ETV6: variants seen among roughly 807,000 people sequenced by gnomAD.
ETV6 encodes transcription factor ETV6.
ETV6 carries 16 observed loss-of-function variants against 51.1 expected under a neutral mutation model. That is an observed-to-expected ratio of 0.31 (90% CI 0.21 to 0.48). ETV6 has a LOEUF of 0.48. Ranked by LOEUF, ETV6 falls within the 20% of genes least tolerant of loss-of-function variation. ETV6 has a pLI of 0.99. For synonymous variants in ETV6, 240 were observed against 224.1 expected (o/e 1.07, Z -0.64); for missense variants, 458 against 594.8 (o/e 0.77, Z 2.39).
chr12:11,652,579 G>A (rs116152216), intron 1 of ETV6, among the ~76,000 whole-genome samples: 1,751 of 152,294 alleles, frequency 0.011, 40 homozygotes, highest in African/African-American at 0.039. Flanking sequence ...GGCTCTCACT[G>A]TGGAGAGGTT....
At chr12:11,784,862 ATTT>A (rs34004409) in intron 2 of ETV6, among the ~76,000 whole-genome samples, 69 of 85,754 alleles carry the variant, frequency 8.0e-4, no homozygotes, top group African/African-American at 3.2e-3. Flanking sequence ...TGCCTTGCTA[ATTT>A]TTTTTTTTTT....
intron 1 of ETV6, among the ~76,000 whole-genome samples, chr12:11,750,590 C>T (rs1045857294): frequency 3.3e-5 from 5 of 152,064 alleles, no homozygotes. Flanking sequence ...CTGCAAAAAC[C>T]CTAACAAAAC....
At chr12:11,805,789 T>C (rs1479055896) in intron 2 of ETV6, among the ~76,000 whole-genome samples, 1 of 152,176 alleles carries the variant, frequency 6.6e-6, no homozygotes, top group African/African-American at 2.4e-5. Flanking sequence ...ACGTTAAGGA[T>C]TTTGATCTTT....
chr12:11,846,957 C>T (rs1180387377), intron 3 of ETV6, among the ~76,000 whole-genome samples: 3 of 152,178 alleles, frequency 2.0e-5, no homozygotes, highest in African/African-American at 7.2e-5. Flanking sequence ...ACTGCAAGGT[C>T]CACCTTCCGG....
At chr12:11,762,529 TGCACAA>T (rs1233921331) in intron 2 of ETV6, among the ~76,000 whole-genome samples, 1 of 152,172 alleles carries the variant, frequency 6.6e-6, no homozygotes, top group African/African-American at 2.4e-5. Flanking sequence ...CCGTAGCACA[TGCACAA>T]TTAATACTGC....
intron 1 of ETV6, among the ~76,000 whole-genome samples, chr12:11,723,066 C>A (rs536900381): frequency 2.0e-5 from 3 of 152,190 alleles, no homozygotes; most frequent in Non-Finnish European, 4.4e-5. Context: ...AATCTCAGAT[C>A]TCTCACTTGG....
At chr12:11,677,278 C>T (rs1206001765) in intron 1 of ETV6, among the ~76,000 whole-genome samples, 1 of 152,226 alleles carries the variant, frequency 6.6e-6, no homozygotes, top group Non-Finnish European at 1.5e-5. Flanking sequence ...TCTCCTCCCT[C>T]CTCCTGCCTC....
intron 2 of ETV6, among the ~76,000 whole-genome samples, chr12:11,771,588 T>C (rs1945242172): frequency 6.6e-6 from 1 of 152,128 alleles, no homozygotes; most frequent in Non-Finnish European, 1.5e-5. Context: ...CAATGACAAC[T>C]CTACACTAAG....
chr12:11,834,566 G>A (rs978315834), intron 2 of ETV6, among the ~76,000 whole-genome samples: 2 of 152,208 alleles, frequency 1.3e-5, no homozygotes, highest in Admixed American at 1.3e-4. Context: ...ATGTATGAAA[G>A]CACCTTATCA....
intron 1 of ETV6, among the ~76,000 whole-genome samples, chr12:11,699,430 A>G (rs945567284): frequency 2.0e-5 from 3 of 152,104 alleles, no homozygotes; most frequent in Non-Finnish European, 2.9e-5. Context: ...GCATAGGTCT[A>G]TTTTTCCAGC....
chr12:11,836,633 C>T (rs768870100), intron 2 of ETV6, among the ~76,000 whole-genome samples: 1 of 152,200 alleles, frequency 6.6e-6, no homozygotes, highest in Non-Finnish European at 1.5e-5. Context: ...AAAGATTACT[C>T]ATGAGTATTT....
chr12:11,883,523 G>A (rs1591748563), intron 5 of ETV6, among the ~76,000 whole-genome samples: 1 of 151,914 alleles, frequency 6.6e-6, no homozygotes, highest in South Asian at 2.1e-4. Flanking sequence ...TCAAACTCCT[G>A]GCCTCAAGTG....
intron 2 of ETV6, among the ~76,000 whole-genome samples, chr12:11,785,793 G>T (rs1189511669): frequency 1.3e-5 from 2 of 152,130 alleles, no homozygotes; most frequent in African/African-American, 4.8e-5. Flanking sequence ...AAATAGCCTT[G>T]CATTTGGTTC....
intron 2 of ETV6, among the ~76,000 whole-genome samples, chr12:11,825,088 C>G (rs1240901351): frequency 6.6e-6 from 1 of 152,118 alleles, no homozygotes. Flanking sequence ...GCCTTTAGAA[C>G]AATTCAAAAC....
intron 3 of ETV6, among the ~76,000 whole-genome samples, chr12:11,851,848 T>C (rs563692251): frequency 1.3e-5 from 2 of 152,254 alleles, no homozygotes; most frequent in East Asian, 3.9e-4. Flanking sequence ...TTAGTGTCAG[T>C]GATAGAGGAG....
At chr12:11,668,865 A>G (rs1481902206) in intron 1 of ETV6, among the ~76,000 whole-genome samples, 2 of 152,198 alleles carry the variant, frequency 1.3e-5, no homozygotes, top group African/African-American at 2.4e-5. Context: ...GTTGTGGGCC[A>G]GCAGACTGGT....
intron 1 of ETV6, among the ~76,000 whole-genome samples, chr12:11,655,992 G>C (rs1863992564): frequency 6.6e-6 from 1 of 152,204 alleles, no homozygotes; most frequent in African/African-American, 2.4e-5. Context: ...CAGCTATATA[G>C]TGATTTATTA....
At chr12:11,817,910 T>C (rs1946016964) in intron 2 of ETV6, among the ~76,000 whole-genome samples, 2 of 152,182 alleles carry the variant, frequency 1.3e-5, no homozygotes, top group Non-Finnish European at 2.9e-5. Context: ...AGGAAAGACA[T>C]TTTTAGAAGG....
rs1945200487 is a variant in ETV6, at chr12:11,768,839, C to T, written c.163+16260C>T. On this transcript the variant is annotated intron_variant, in intron 2 of 7. Coordinates refer to ENST00000396373, the MANE Select transcript of ETV6 (RefSeq NM_001987.5). The stretch of plus-strand genomic sequence containing the variant: ...GCATATTAGGACAGAAATCTGCCTA[C>T]CACATTCCAGCTACATAAAGAAGGT... 1.3e-5 allele frequency: 6 copies of T among 445,346 alleles called. 1 individual carries two copies. Among genetic ancestry groups the T allele is most frequent in the South Asian group, 9.6e-5 (6 of 62,326 alleles). 27.6% of individuals were successfully genotyped at this position (445,346 alleles called of 1,614,324 possible). A position where few individuals can be genotyped will look rare whatever the true frequency, so the allele number is the denominator to read the frequency against.
Sources: allele counts gnomAD v4.1 joint callset (sites outside exome capture counted in the v4.1 genomes callset), GRCh38; gene constraint gnomAD v4.1.1; transcripts MANE v1.5; gene names NCBI Gene and HGNC (gene_info 2026-07-23, HGNC 2026-07-21).